The following ZFP91 variants were observed in gnomAD, a reference collection of about 807,000 sequenced individuals.
ZFP91 encodes E3 ubiquitin-protein ligase ZFP91.
Under a neutral mutation model 63.5 loss-of-function variants are expected in ZFP91, and 7 were observed. That is an observed-to-expected ratio of 0.11 (90% confidence interval 0.06 to 0.21). ZFP91 has a LOEUF of 0.21. ZFP91 is among the 10% of genes least tolerant of loss of function. ZFP91 has a pLI of 1.00. For synonymous variants in ZFP91, 330 were observed against 272.1 expected (o/e 1.21, Z -2.10); for missense variants, 628 against 736.6 (o/e 0.85, Z 1.71).
rs1288395030 is a variant in ZFP91 at position 58,618,587 on chromosome 11, T to C, written c.*881T>C. On this transcript the variant is annotated 3_prime_UTR_variant, in exon 11 of 11. Coordinates refer to ENST00000316059, the MANE Select transcript of ZFP91 (RefSeq NM_053023.5). ...TAACAGGAAGTCTGATTTTTTTTTT[T>C]TGGAGTCTTTGTTGCTATATTTTGT... 9.6e-6 allele frequency: 4 copies of C among 415,632 alleles called. No homozygotes were observed. The highest frequency in any genetic ancestry group is 7.1e-5 in the East Asian group (1 of 14,020). The allele number at this position is 415,632 out of a possible 1,614,324, so 25.7% of individuals were successfully genotyped here. A position where few individuals can be genotyped will look rare whatever the true frequency, so the allele number is the denominator to read the frequency against.
chr11:58,585,324 C>A (rs1855187426), intron 2 of ZFP91, among the ~76,000 whole-genome samples: 1 of 152,138 alleles, frequency 6.6e-6, no homozygotes, highest in Non-Finnish European at 1.5e-5. Context: ...TGAGTGTTAG[C>A]ACACCAGATG....
At chr11:58,604,450 CTT>C (rs773569857) in intron 2 of ZFP91, among the ~76,000 whole-genome samples, 3 of 152,272 alleles carry the variant, frequency 2.0e-5, no homozygotes, top group Non-Finnish European at 4.4e-5. Flanking sequence ...TGATTTTGGA[CTT>C]TTATCCTCCA....
At chr11:58,609,038 TTAAAGAATCTTC>T (rs1335384270) in intron 2 of ZFP91, among the ~76,000 whole-genome samples, 3 of 152,230 alleles carry the variant, frequency 2.0e-5, no homozygotes, top group Non-Finnish European at 4.4e-5. Context: ...TCTGAGTTTA[TTAAAGAATCTTC>T]TATTGTTAAA....
chr11:58,611,466 T>C (rs1855661243), intron 5 of ZFP91, 138 bp from the exon 6 acceptor site: 4 of 1,134,210 alleles, frequency 3.5e-6, no homozygotes, highest in Non-Finnish European at 5.0e-6. Flanking sequence ...GTGAGGATGA[T>C]TGGTAGGAAA....
chr11:58,608,332 G>A (rs1257430196), intron 2 of ZFP91, among the ~76,000 whole-genome samples: 11 of 151,670 alleles, frequency 7.3e-5, no homozygotes, highest in East Asian at 2.0e-4. Context: ...AAATATGATT[G>A]TAATTTTGTA....
chr11:58,607,244 G>T (rs1855583175), intron 2 of ZFP91, among the ~76,000 whole-genome samples: 1 of 152,112 alleles, frequency 6.6e-6, no homozygotes. Context: ...GTGTTGAATT[G>T]TTCTTTTTGA....
chr11:58,579,421 G>T lies in ZFP91; in HGVS notation c.140G>T (p.Ser47Ile), dbSNP rs1349873543. 1.4e-6 allele frequency: 2 copies of T among 1,448,890 alleles called. No individual in the cohort carries two copies. Among genetic ancestry groups the T allele is most frequent in the Admixed American group, 5.8e-5 (2 of 34,782 alleles). 89.8% of individuals were successfully genotyped at this position (1,448,890 alleles called of 1,614,324 possible). A position where few individuals can be genotyped will look rare whatever the true frequency, so the allele number is the denominator to read the frequency against. ...VAAAPAGTTS[S>I]RVLRGGRDRG... is the part of the protein sequence containing the mutation. ...GCGGCGCCTGCAGGGACCACTAGCA[G>T]CCGCGTGCTGAGGGGAGGTCGGGAC... is the stretch of plus-strand genomic sequence containing the variant. The change falls in exon 1 of 11, where the codon AGC becomes ATC. Residue 47 changes from serine (S) to isoleucine (I), a missense_variant. Physicochemically the swap from Ser to Ile is moderately radical, Grantham distance 142. This residue lies in a region of ZFP91 where 437 missense variants were observed against 380.3 expected (regional missense o/e 1.15). Coordinates refer to ENST00000316059, the MANE Select transcript of ZFP91 (RefSeq NM_053023.5).
chr11:58,596,534 C>T (rs1285439508), intron 2 of ZFP91, among the ~76,000 whole-genome samples: 1 of 152,160 alleles, frequency 6.6e-6, no homozygotes, highest in South Asian at 2.1e-4. Flanking sequence ...AGTTTGTTTT[C>T]TGGCATTGCT....
In ZFP91 at chr11:58,617,755, AG is replaced by A. The variant is rs751381593; in HGVS notation, c.*50del. 1 of 1,444,724 alleles carries A rather than the reference AG, an allele frequency of 6.9e-7. No homozygotes were observed. Among genetic ancestry groups the A allele is most frequent in the Admixed American group, 2.6e-5 (1 of 37,908 alleles). The allele number at this position is 1,444,724 out of a possible 1,614,324, so 89.5% of individuals were successfully genotyped here. A position where few individuals can be genotyped will look rare whatever the true frequency, so the allele number is the denominator to read the frequency against. On this transcript the variant is annotated 3_prime_UTR_variant, in exon 11 of 11. Transcript: ENST00000316059. This position sits in a 1 kb window ranked among gnomAD's most constrained non-coding sequence, Gnocchi z 4.2. Reference sequence around the variant, plus strand: ...GGACAGCTCAGACTTTGTATTTAAAAGTTAAAAAGGACAAAAAAAAAATCTA... The same window carrying A: ...GGACAGCTCAGACTTTGTATTTAAAATTAAAAAGGACAAAAAAAAAATCTA...
At chr11:58,606,202 C>T (rs1346585662) in intron 2 of ZFP91, among the ~76,000 whole-genome samples, 2 of 152,024 alleles carry the variant, frequency 1.3e-5, no homozygotes, top group East Asian at 1.9e-4. Context: ...GCTGAGAATA[C>T]AGGGATGCGC....
At chr11:58,590,771 C>G (rs899529026) in intron 2 of ZFP91, among the ~76,000 whole-genome samples, 2 of 152,088 alleles carry the variant, frequency 1.3e-5, no homozygotes, top group Admixed American at 6.5e-5. Flanking sequence ...GGGATTCCCA[C>G]TGTGTTTAAG....
intron 9 of ZFP91, 72 bp downstream of exon 9, chr11:58,614,415 GT>G: frequency 2.7e-6 from 3 of 1,120,278 alleles, no homozygotes; most frequent in South Asian, 3.4e-5. Context: ...TAATGATAAC[GT>G]TTTTCTAACA....
intron 2 of ZFP91, among the ~76,000 whole-genome samples, chr11:58,606,118 A>C (rs1242907652): frequency 6.6e-6 from 1 of 151,780 alleles, no homozygotes; most frequent in Non-Finnish European, 1.5e-5. Context: ...CTGGAGTGCA[A>C]TGGTGTTATC....
Position 58,617,086 on chromosome 11 carries a change from G to T in ZFP91, c.1203-110G>T, listed in dbSNP as rs1344391260. The stretch of plus-strand genomic sequence containing the variant: ...TACTGATTATTGTGTGTGTGTGTGT[G>T]TGTGTGTGTGTGTATGTATATATAT... On this transcript the variant is annotated intron_variant, in intron 10 of 10. Transcript: ENST00000316059. The surrounding 1 kb of genome is among the most constrained non-coding windows in gnomAD (Gnocchi z 4.2). The T allele has an allele frequency of 6.3e-6, 6 of 959,284 alleles. No homozygotes were observed. The highest frequency in any genetic ancestry group is 9.2e-6 in the Non-Finnish European group (6 of 651,714). 59.4% of individuals were successfully genotyped at this position (959,284 alleles called of 1,614,324 possible).
intron 2 of ZFP91, among the ~76,000 whole-genome samples, chr11:58,586,892 T>C (rs1855219480): frequency 6.6e-6 from 1 of 152,188 alleles, no homozygotes. Context: ...TTTTTAGAGG[T>C]AAGACTGGCC....
chr11:58,614,514 C>G (rs1273871195), intron 9 of ZFP91, among the ~76,000 whole-genome samples, 171 bp downstream of exon 9: 2 of 152,136 alleles, frequency 1.3e-5, no homozygotes, highest in African/African-American at 4.8e-5. Flanking sequence ...GATGGGCAGA[C>G]TAGGACTTTT....
chr11:58,586,498 A>G (rs1463274727), intron 2 of ZFP91, among the ~76,000 whole-genome samples: 2 of 152,186 alleles, frequency 1.3e-5, no homozygotes, highest in African/African-American at 4.8e-5. Context: ...TTAAAACTAC[A>G]TTCTGGATAA....
At chr11:58,589,335 A>G (rs1462391007) in intron 2 of ZFP91, among the ~76,000 whole-genome samples, 2 of 152,182 alleles carry the variant, frequency 1.3e-5, no homozygotes, top group Non-Finnish European at 2.9e-5. Context: ...AAGTGCTGGA[A>G]TTTATAGGCA....
At chr11:58,603,148 T>C (rs1481990345) in intron 2 of ZFP91, among the ~76,000 whole-genome samples, 1 of 152,206 alleles carries the variant, frequency 6.6e-6, no homozygotes, top group Non-Finnish European at 1.5e-5. Flanking sequence ...CTTGACTGAA[T>C]TGTGTTCTAT....
Sources: allele counts gnomAD v4.1 joint callset (sites outside exome capture counted in the v4.1 genomes callset), GRCh38; gene constraint gnomAD v4.1.1; regional missense constraint gnomAD v4.1.1; non-coding constraint Gnocchi (gnomAD v3.1); transcripts MANE v1.5; gene names NCBI Gene and HGNC (gene_info 2026-07-23, HGNC 2026-07-21).